Variants in ZNF236 observed in about 807,000 individuals in gnomAD.
ZNF236 encodes the protein regulated by glucose.
Under a neutral mutation model 191.2 loss-of-function variants are expected in ZNF236, and 50 were observed. The observed-to-expected ratio is 0.26, with a 90% CI of 0.21 to 0.33. The LOEUF (loss-of-function observed/expected upper bound fraction) is 0.33, where lower values mean the gene tolerates loss of function less well. Among genes scored for constraint, ZNF236 ranks in the 10% least tolerant of loss-of-function variants. The pLI is 1.00. For synonymous variants in ZNF236, 907 were observed against 928.8 expected, an observed-to-expected ratio of 0.98 and a Z score of 0.43; for missense variants, 1,754 against 2,374.5, an observed-to-expected ratio of 0.74 and a Z score of 5.43.
At chr18:76,864,925 G>T (rs62113105) in intron 3 of ZNF236, among the ~76,000 whole-genome samples, 50,279 of 151,756 alleles carry the variant, frequency 0.33, 8,791 homozygotes, top group East Asian at 0.51. Context: ...ATTCTAAAAA[G>T]TAATCCAGGA....
chr18:76,894,979 C>T (rs1977357683), intron 9 of ZNF236, 34 bp from the exon 10 acceptor site: 13 of 1,599,858 alleles, frequency 8.1e-6, no homozygotes, highest in Non-Finnish European at 1.1e-5. Flanking sequence ...GCGGGGTGTC[C>T]AGGCCAAGCG....
At position 76,833,617 on chromosome 18, in the gene ZNF236, G is replaced by A. The variant is rs79332099; in HGVS notation, c.55+10955G>A. Reference sequence around the variant, plus strand: ...TACATACTTTATGCTTTTTATATCTGTGTTTATGAGCCACATTGGACTACA... The same window carrying A: ...TACATACTTTATGCTTTTTATATCTATGTTTATGAGCCACATTGGACTACA... On this transcript the variant is annotated intron_variant, in intron 1 of 30. Transcript: ENST00000320610. Among the ~76,000 whole-genome samples the A allele has an allele frequency of 3.9e-5, 6 of 152,124 alleles. No individual in the cohort carries two copies. The East Asian group carries it at 1.2e-3, about 29-fold the overall frequency.
chr18:76,920,667 C>T (rs1222211390), intron 20 of ZNF236, among the ~76,000 whole-genome samples: 1 of 152,086 alleles, frequency 6.6e-6, no homozygotes, highest in Non-Finnish European at 1.5e-5. Flanking sequence ...GGGCTCTAAG[C>T]TTTGTGGACA....
intron 2 of ZNF236, among the ~76,000 whole-genome samples, chr18:76,850,347 C>G (rs535025998): frequency 6.6e-5 from 10 of 152,294 alleles, no homozygotes; most frequent in African/African-American, 2.2e-4. Context: ...ACTTTCAGCA[C>G]AAATGGTGCT....
At chr18:76,832,554 T>A (rs1975202493) in intron 1 of ZNF236, among the ~76,000 whole-genome samples, 1 of 152,124 alleles carries the variant, frequency 6.6e-6, no homozygotes, top group African/African-American at 2.4e-5. Context: ...AATTGTTCTG[T>A]ACTTACTCTT....
At chr18:76,939,920 G>A (rs55719114) in intron 26 of ZNF236, among the ~76,000 whole-genome samples, 2 of 140,642 alleles carry the variant, frequency 1.4e-5, no homozygotes, top group Admixed American at 7.1e-5. Flanking sequence ...TTGGGAACAC[G>A]GTGGGCGACC....
intron 20 of ZNF236, 137 bp downstream of exon 20, chr18:76,920,195 C>T: frequency 3.0e-6 from 3 of 994,694 alleles, no homozygotes; most frequent in Non-Finnish European, 4.4e-6. Context: ...AGCTTACTTA[C>T]TTGAATGTAT....
intron 25 of ZNF236, chr18:76,936,470 C>G (rs769040911): frequency 2.2e-6 from 1 of 452,430 alleles, no homozygotes; most frequent in Non-Finnish European, 4.4e-6. Context: ...CAGATACTTT[C>G]GTTTCTCTTA....
At chr18:76,945,011 T>C (rs1302528782) in intron 26 of ZNF236, among the ~76,000 whole-genome samples, 1 of 152,060 alleles carries the variant, frequency 6.6e-6, no homozygotes, top group East Asian at 1.9e-4. Flanking sequence ...GTTGTTATCA[T>C]TGATAAGCCA....
chr18:76,928,093 C>A lies in ZNF236; in HGVS notation c.4581C>A (p.Thr1527=). Residue 1527 remains threonine (T), a synonymous_variant, in exon 25 of 31, where the codon ACC becomes ACA. Coordinates refer to ENST00000320610, the MANE Select transcript of ZNF236 (RefSeq NM_001306089.2). ...TSSSGSPQEI[T]LTISELNTTS... ...CCTCGGGGTCTCCACAGGAAATTAC[C>A]CTGACTATCTCCGGTTAGTAAGTTA... 1 of 1,609,740 alleles carries A rather than the reference C, an allele frequency of 6.2e-7. No homozygotes were observed. The highest frequency in any genetic ancestry group is 1.7e-4 in the Middle Eastern group (1 of 6,036).
chr18:76,836,853 A>G (rs925987424), intron 1 of ZNF236, among the ~76,000 whole-genome samples: 2 of 151,826 alleles, frequency 1.3e-5, no homozygotes, highest in African/African-American at 2.4e-5. Context: ...CGGGGATTAC[A>G]GGCGTGAGCC....
intron 17 of ZNF236, among the ~76,000 whole-genome samples, chr18:76,913,525 A>T (rs1967274068): frequency 6.6e-6 from 1 of 152,244 alleles, no homozygotes; most frequent in East Asian, 1.9e-4. Flanking sequence ...TAAGACTGTA[A>T]ATACTCTAAG....
intron 26 of ZNF236, among the ~76,000 whole-genome samples, chr18:76,938,965 C>T (rs764068230): frequency 2.6e-5 from 4 of 152,192 alleles, no homozygotes; most frequent in Non-Finnish European, 4.4e-5. Flanking sequence ...CCCTTACGCA[C>T]CATCAACTCC....
At chr18:76,881,251 A>G in intron 8 of ZNF236, 33 bp from the exon 9 acceptor site, 1 of 1,586,068 alleles carries the variant, frequency 6.3e-7, no homozygotes. Context: ...GGCCATCGTT[A>G]CCTTCTAACC....
chr18:76,927,111 G>C lies in ZNF236; in HGVS notation c.4102G>C (p.Ala1368Pro), dbSNP rs780765612. Reference sequence around the variant, plus strand: ...AGAAGGCATCCAGTTACAGTTGGCTGCTAACTTGGTTGGACCAAATGTACA... The same window carrying C: ...AGAAGGCATCCAGTTACAGTTGGCTCCTAACTTGGTTGGACCAAATGTACA... ...TLEGIQLQLAANLVGPNVQIS... is the reference protein window; with the variant it reads ...TLEGIQLQLAPNLVGPNVQIS... Residue 1368 changes from alanine to proline, a missense_variant, in exon 23 of 31, where the codon GCT becomes CCT. Ala to Pro is a conservative substitution (Grantham distance 27). This residue lies in a region of ZNF236 where 606 missense variants were observed against 761.5 expected (regional missense o/e 0.80). Transcript: ENST00000320610. The surrounding 1 kb of genome is among the most constrained non-coding windows in gnomAD (Gnocchi z 5.4). 1.9e-6 allele frequency: 3 copies of C among 1,614,032 alleles called. No homozygotes were observed. The South Asian group carries it at 3.3e-5, about 18-fold the overall frequency.
rs183267780 is a variant in ZNF236, at chr18:76,915,558, C to T, written c.3062-89C>T. ...CAGGATAATGTTGTAACTTATTAAA[C>T]ATATCTTTGTTTGGTTTTGACTGCT... On this transcript the variant is annotated intron_variant, in intron 18 of 30. Coordinates refer to ENST00000320610, the MANE Select transcript of ZNF236 (RefSeq NM_001306089.2). 17 of 1,166,914 alleles carry T rather than the reference C, an allele frequency of 1.5e-5. No homozygotes were observed. The Admixed American group carries it at 3.0e-4, about 21-fold the overall frequency. The allele number at this position is 1,166,914 out of a possible 1,614,324, so 72.3% of individuals were successfully genotyped here.
intron 13 of ZNF236, 25 bp from the exon 14 acceptor site, chr18:76,908,295 T>A: frequency 6.2e-7 from 1 of 1,604,436 alleles, no homozygotes; most frequent in South Asian, 1.1e-5. Context: ...TCTAACCTGA[T>A]GAACTGTTGT....
At chr18:76,904,084 G>A (rs1977674120) in intron 11 of ZNF236, among the ~76,000 whole-genome samples, 2 of 150,680 alleles carry the variant, frequency 1.3e-5, no homozygotes, top group Admixed American at 1.3e-4. Flanking sequence ...AAGTAATTGT[G>A]ACTAGATATT....
At chr18:76,827,469 G>A (rs913060787) in intron 1 of ZNF236, among the ~76,000 whole-genome samples, 2 of 152,244 alleles carry the variant, frequency 1.3e-5, no homozygotes, top group Admixed American at 6.5e-5. Context: ...ACAGGTATGA[G>A]CCACCGTGCC....
Sources: allele counts gnomAD v4.1 joint callset (sites outside exome capture counted in the v4.1 genomes callset), GRCh38; gene constraint gnomAD v4.1.1; regional missense constraint gnomAD v4.1.1; non-coding constraint Gnocchi (gnomAD v3.1); transcripts MANE v1.5; gene names NCBI Gene and HGNC (gene_info 2026-07-23, HGNC 2026-07-21).